The following SLC25A48 variants were observed in gnomAD, a reference collection of about 807,000 sequenced individuals.
The protein encoded by SLC25A48 is CTC-321K16.1.
Under a neutral mutation model 32.2 loss-of-function variants are expected in SLC25A48, and 29 were observed. The observed-to-expected ratio is 0.90, with a 90% confidence interval of 0.67 to 1.23. SLC25A48 has a LOEUF of 1.23. Ranked by LOEUF, SLC25A48 falls within the 50% of genes most tolerant of loss-of-function variation. SLC25A48 has a pLI of 0.00. For synonymous variants in SLC25A48, 164 were observed against 172.3 expected (o/e 0.95, Z 0.38); for missense variants, 399 against 422.7 (o/e 0.94, Z 0.49).
chr5:135,717,820 A>T (rs773197623), intron 3 of SLC25A48, among the ~76,000 whole-genome samples: 2 of 152,190 alleles, frequency 1.3e-5, no homozygotes, highest in African/African-American at 4.8e-5. Flanking sequence ...GAGAGAATAC[A>T]GTTCTGTTCT....
intron 3 of SLC25A48, among the ~76,000 whole-genome samples, chr5:135,731,246 C>T (rs1318386428): frequency 6.6e-6 from 1 of 152,100 alleles, no homozygotes; most frequent in Non-Finnish European, 1.5e-5. Context: ...AGGAATTTCA[C>T]AAGGCAGTGT....
At chr5:135,580,746 A>G (rs1751213315) in intron 1 of SLC25A48, among the ~76,000 whole-genome samples, 1 of 152,098 alleles carries the variant, frequency 6.6e-6, no homozygotes, top group African/African-American at 2.4e-5. Flanking sequence ...AGCAGAAGAA[A>G]ACTAACATTT....
intron 3 of SLC25A48, among the ~76,000 whole-genome samples, chr5:135,793,550 G>A (rs1463569940): frequency 6.6e-6 from 1 of 151,820 alleles, no homozygotes; most frequent in Admixed American, 6.6e-5. Context: ...ATCCTTGGGA[G>A]ATATTTCTCT....
At chr5:135,820,226 A>G (rs1338091823) in intron 4 of SLC25A48, among the ~76,000 whole-genome samples, 1 of 152,206 alleles carries the variant, frequency 6.6e-6, no homozygotes, top group African/African-American at 2.4e-5. Context: ...ACTACTCCTC[A>G]ATAAAAAGGA....
At chr5:135,758,616 AAT>A (rs1244910483) in intron 3 of SLC25A48, among the ~76,000 whole-genome samples, 1 of 150,738 alleles carries the variant, frequency 6.6e-6, no homozygotes, top group East Asian at 2.0e-4. Context: ...CTATTATATT[AAT>A]ATGATATCAT....
intron 2 of SLC25A48, among the ~76,000 whole-genome samples, chr5:135,844,243 T>A (rs1759236326): frequency 6.6e-6 from 1 of 152,188 alleles, no homozygotes; most frequent in African/African-American, 2.4e-5. Flanking sequence ...ACCTGCTGAA[T>A]GAGTGGCCAT....
At chr5:135,814,015 G>C (rs989273187) in intron 4 of SLC25A48, among the ~76,000 whole-genome samples, 8 of 152,166 alleles carry the variant, frequency 5.3e-5, no homozygotes, top group African/African-American at 1.9e-4. Flanking sequence ...GAAACATGAA[G>C]GGCTGCTTTG....
intron 3 of SLC25A48, among the ~76,000 whole-genome samples, chr5:135,691,773 A>G (rs1353936523): frequency 6.6e-6 from 1 of 152,182 alleles, no homozygotes; most frequent in East Asian, 1.9e-4. Context: ...TGGAAATCAC[A>G]TATTCCACCT....
chr5:135,602,541 T>A (rs1751821946), intron 1 of SLC25A48, among the ~76,000 whole-genome samples: 1 of 152,232 alleles, frequency 6.6e-6, no homozygotes, highest in South Asian at 2.1e-4. Flanking sequence ...TTTATTTTCT[T>A]ATTGCAAAGC....
At chr5:135,834,650 G>T, upstream of SLC25A48, 1 of 593,700 alleles carries the variant, frequency 1.7e-6, no homozygotes. Context: ...CGTGATGTCA[G>T]CCGCCCTCCG....
intron 4 of SLC25A48, among the ~76,000 whole-genome samples, chr5:135,824,158 T>A (rs1357798147): frequency 3.3e-5 from 5 of 152,124 alleles, no homozygotes; most frequent in Non-Finnish European, 7.4e-5. Context: ...CAGGAGCAGA[T>A]CTTGGCACAG....
rs142344779 is a variant in SLC25A48, at chr5:135,647,854, C to T, written c.-521+12898C>T. ...TAGTATGACTCCTTGGAGTTTAGGC[C>T]TCTTCTCTGGGAGCACTGCTTGGAA... is the stretch of plus-strand genomic sequence containing the variant. On this transcript the variant is annotated intron_variant, in intron 3 of 10. Transcript: ENST00000646290. 1.0e-3 allele frequency among the ~76,000 whole-genome samples: 154 copies of T among 152,290 alleles called. No homozygotes were observed. In the East Asian group the frequency reaches 0.028, roughly 28 times the overall value.
intron 3 of SLC25A48, among the ~76,000 whole-genome samples, chr5:135,691,502 T>TTG (rs1454748885): frequency 6.6e-6 from 1 of 152,182 alleles, no homozygotes; most frequent in Non-Finnish European, 1.5e-5. Context: ...ATGGGGCATC[T>TTG]TGTGTGTGCC....
intron 3 of SLC25A48, among the ~76,000 whole-genome samples, chr5:135,645,589 CCTT>C (rs1752940967): frequency 6.6e-6 from 1 of 152,170 alleles, no homozygotes; most frequent in South Asian, 2.1e-4. Flanking sequence ...TGATCATAAC[CCTT>C]CTTAGAAAAG....
chr5:135,808,187 T>C (rs1017876991), intron 3 of SLC25A48, among the ~76,000 whole-genome samples: 3 of 150,570 alleles, frequency 2.0e-5, no homozygotes, highest in African/African-American at 7.3e-5. Flanking sequence ...ACACTAGATA[T>C]TATAAATATT....
At chr5:135,589,850 A>G (rs1376440824) in intron 1 of SLC25A48, among the ~76,000 whole-genome samples, 1 of 152,024 alleles carries the variant, frequency 6.6e-6, no homozygotes, top group African/African-American at 2.4e-5. Flanking sequence ...GCCCACCACC[A>G]TACCCAGGTA....
At chr5:135,605,096 T>G (rs1473623772) in intron 1 of SLC25A48, among the ~76,000 whole-genome samples, 3 of 152,262 alleles carry the variant, frequency 2.0e-5, no homozygotes, top group Non-Finnish European at 1.5e-5. Context: ...CACATTATGC[T>G]TCTAATTTTC....
At chr5:135,757,672 GT>G (rs146377253) in intron 3 of SLC25A48, among the ~76,000 whole-genome samples, 2,430 of 149,596 alleles carry the variant, frequency 0.016, 46 homozygotes, top group African/African-American at 0.044. Context: ...AATGTCTAGT[GT>G]TATCACACTA....
At chr5:135,879,033 G>A (rs1260993141) in intron 6 of SLC25A48, among the ~76,000 whole-genome samples, 2 of 152,176 alleles carry the variant, frequency 1.3e-5, no homozygotes, top group African/African-American at 4.8e-5. Flanking sequence ...CAAGCAAGAA[G>A]ATTGAGGGAG....
Sources: gnomAD v4.1 joint callset for allele counts (sites outside exome capture counted in the v4.1 genomes callset) on GRCh38, gnomAD v4.1.1 for gene constraint, MANE v1.5 for transcripts, NCBI Gene and HGNC (gene_info 2026-07-23, HGNC 2026-07-21) for gene names.